GPC6: variants seen among roughly 807,000 people sequenced by gnomAD.
GPC6 encodes the protein glypican-6.
In GPC6, 14 loss-of-function variants were observed where a neutral mutation model predicts 55.2. The ratio of observed to expected loss-of-function variants is 0.25; its 90% CI spans 0.17 to 0.40. GPC6 has a LOEUF of 0.40. Ranked by LOEUF, GPC6 falls within the 10% of genes least tolerant of loss-of-function variation. GPC6 has a pLI of 1.00. For missense variants in GPC6, 641 were observed against 708.5 expected (o/e 0.90, Z 1.08); for synonymous variants, 278 against 259.6 (o/e 1.07, Z -0.68).
chr13:93,971,402 C>G (rs1472766253), intron 3 of GPC6, among the ~76,000 whole-genome samples: 1 of 152,140 alleles, frequency 6.6e-6, no homozygotes, highest in Non-Finnish European at 1.5e-5. Flanking sequence ...AAACCATAGT[C>G]TAAGCTCAGG....
At chr13:93,453,781 G>A (rs945740718) in intron 1 of GPC6, among the ~76,000 whole-genome samples, 6 of 151,954 alleles carry the variant, frequency 3.9e-5, no homozygotes, top group African/African-American at 9.7e-5. Flanking sequence ...AGACCTTCGC[G>A]GTGATTGTTA....
chr13:93,928,327 A>G (rs1484761232), intron 3 of GPC6, among the ~76,000 whole-genome samples: 2 of 152,160 alleles, frequency 1.3e-5, no homozygotes, highest in Admixed American at 6.5e-5. Flanking sequence ...TACAGTCCAT[A>G]TCTTAGGGTT....
intron 3 of GPC6, among the ~76,000 whole-genome samples, chr13:93,848,859 C>G (rs1420679300): frequency 6.6e-6 from 1 of 152,012 alleles, no homozygotes; most frequent in Non-Finnish European, 1.5e-5. Context: ...TTGTGCCTTC[C>G]TCTCCCCTTT....
intron 3 of GPC6, among the ~76,000 whole-genome samples, chr13:93,838,870 A>C (rs893671079): frequency 1.3e-5 from 2 of 152,162 alleles, no homozygotes; most frequent in Non-Finnish European, 2.9e-5. Context: ...CTGCCTGCTG[A>C]CTGATTTGAA....
intron 2 of GPC6, among the ~76,000 whole-genome samples, chr13:93,686,190 T>G (rs1882039567): frequency 6.6e-6 from 1 of 152,148 alleles, no homozygotes. Flanking sequence ...TTAAATAGGT[T>G]TAACCCAGTT....
At chr13:93,320,844 C>T (rs978159231) in intron 1 of GPC6, among the ~76,000 whole-genome samples, 11 of 152,096 alleles carry the variant, frequency 7.2e-5, no homozygotes, top group African/African-American at 1.7e-4. Context: ...ATCTTCATGG[C>T]GGAGTACAGA....
At chr13:94,048,061 C>A (rs1883795585) in intron 4 of GPC6, among the ~76,000 whole-genome samples, 1 of 150,828 alleles carries the variant, frequency 6.6e-6, no homozygotes. Context: ...GTAAAAATTC[C>A]AGGAAGAAAT....
chr13:94,030,705 G>A (rs948804456), intron 4 of GPC6, among the ~76,000 whole-genome samples: 1 of 152,082 alleles, frequency 6.6e-6, no homozygotes, highest in Non-Finnish European at 1.5e-5. Context: ...TCAGTTGCAT[G>A]TACCTTCCCT....
At chr13:94,401,033 C>T (rs564899231) in intron 8 of GPC6, among the ~76,000 whole-genome samples, 1 of 152,104 alleles carries the variant, frequency 6.6e-6, no homozygotes, top group Non-Finnish European at 1.5e-5. Context: ...ATTGGCAGCA[C>T]TGGGTTTGGT....
chr13:93,642,642 A>G (rs1250606683), intron 2 of GPC6, among the ~76,000 whole-genome samples: 2 of 152,076 alleles, frequency 1.3e-5, no homozygotes, highest in Non-Finnish European at 2.9e-5. Context: ...ATTTTAAGTC[A>G]TTCCTACCTC....
At chr13:93,367,923 TATAA>T (rs1456179144) in intron 1 of GPC6, among the ~76,000 whole-genome samples, 2 of 152,168 alleles carry the variant, frequency 1.3e-5, no homozygotes, top group African/African-American at 4.8e-5. Flanking sequence ...TTGGGTATCC[TATAA>T]ATGTCACTTC....
intron 2 of GPC6, among the ~76,000 whole-genome samples, chr13:93,572,963 C>T (rs1876478345): frequency 6.6e-6 from 1 of 152,088 alleles, no homozygotes; most frequent in African/African-American, 2.4e-5. Context: ...ATGAAATTGT[C>T]CTGGGCACAT....
chr13:94,339,068 CTT>C (rs71695956), intron 6 of GPC6, among the ~76,000 whole-genome samples: 7 of 144,982 alleles, frequency 4.8e-5, no homozygotes, highest in Admixed American at 7.0e-5. Flanking sequence ...AGGAGTTTTC[CTT>C]TTTTTTTTTT....
At chr13:93,995,004 C>A (rs2140418834) in intron 3 of GPC6, among the ~76,000 whole-genome samples, 1 of 152,046 alleles carries the variant, frequency 6.6e-6, no homozygotes, top group African/African-American at 2.4e-5. Context: ...CTTCTATATA[C>A]CTGTTTTTGC....
At chr13:93,582,597 C>A (rs975727499) in intron 2 of GPC6, among the ~76,000 whole-genome samples, 1 of 152,136 alleles carries the variant, frequency 6.6e-6, no homozygotes, top group African/African-American at 2.4e-5. Flanking sequence ...TTAGATTGAA[C>A]ATATTTAGCT....
chr13:94,274,013 C>G (rs906994960), intron 4 of GPC6, among the ~76,000 whole-genome samples: 2 of 152,182 alleles, frequency 1.3e-5, no homozygotes, highest in Non-Finnish European at 2.9e-5. Context: ...ACAAGGCCTA[C>G]TCTTCCTGGC....
chr13:93,383,414 G>A (rs540156073), intron 1 of GPC6, among the ~76,000 whole-genome samples: 16 of 151,968 alleles, frequency 1.1e-4, no homozygotes, highest in Non-Finnish European at 2.2e-4. Flanking sequence ...AGGGAGTCTC[G>A]CCATGTTGCT....
At chr13:93,865,488 A>G (rs1888935950) in intron 3 of GPC6, among the ~76,000 whole-genome samples, 1 of 151,572 alleles carries the variant, frequency 6.6e-6, no homozygotes. Flanking sequence ...CAGATATCTC[A>G]CTGTGGATCT....
intron 2 of GPC6, among the ~76,000 whole-genome samples, chr13:93,571,685 G>A (rs1234313392): frequency 6.6e-6 from 1 of 152,076 alleles, no homozygotes; most frequent in Non-Finnish European, 1.5e-5. Context: ...TTAACACATT[G>A]TTTTTCTCTA....
Sources: allele counts gnomAD v4.1 joint callset (sites outside exome capture counted in the v4.1 genomes callset), GRCh38; gene constraint gnomAD v4.1.1; transcripts MANE v1.5; gene names NCBI Gene and HGNC (gene_info 2026-07-23, HGNC 2026-07-21).